Variants in ARHGEF4 observed in about 807,000 individuals in gnomAD.
ARHGEF4 encodes the protein Rho guanine nucleotide exchange factor 4, also known as APC-stimulated guanine nucleotide exchange factor 1.
Under a neutral mutation model 162.0 loss-of-function variants are expected in ARHGEF4, and 119 were observed. The observed-to-expected ratio is 0.73, with a 90% CI of 0.63 to 0.86. ARHGEF4 has a LOEUF of 0.86. Ranked by LOEUF, ARHGEF4 falls within the 40% of genes least tolerant of loss-of-function variation. The probability of loss-of-function intolerance (pLI) is 0.00; values close to 1 mark genes in which losing one functional copy is unlikely to be tolerated. For missense variants in ARHGEF4, 2,488 were observed against 2,456.0 expected, an observed-to-expected ratio of 1.01 and a Z score of -0.28; for synonymous variants, 1,014 against 979.9, an observed-to-expected ratio of 1.03 and a Z score of -0.65.
intron 6 of ARHGEF4, among the ~76,000 whole-genome samples, 167 bp downstream of exon 6, chr2:131,039,199 T>C (rs115613655): frequency 0.014 from 2,196 of 152,218 alleles, 55 homozygotes; most frequent in African/African-American, 0.05. Context: ...GAGCCACTAC[T>C]CCTGCTCCCA....
chr2:131,045,407 C>G lies in ARHGEF4; in HGVS notation c.5440C>G (p.Leu1814Val), dbSNP rs989274734. 1.2e-6 allele frequency: 2 copies of G among 1,613,518 alleles called. No homozygotes were observed. Among genetic ancestry groups the G allele is most frequent in the Non-Finnish European group, 1.7e-6 (2 of 1,179,994 alleles). ...ITELQRKQAM[L>V]NASKQQVTGK... is the part of the protein sequence containing the mutation. Reference sequence around the variant, plus strand: ...TGAACTGCAGAGGAAGCAGGCCATGCTGAATGCCAGCAAGCAGCAGGTCAC... The same window carrying G: ...TGAACTGCAGAGGAAGCAGGCCATGGTGAATGCCAGCAAGCAGCAGGTCAC... The change falls in exon 13 of 14, where the codon CTG (leucine) becomes GTG (valine). Residue 1814 changes from leucine to valine, a missense_variant. By Grantham distance (32) the Leu-to-Val change is conservative. Around this residue, in one of 6 missense-constraint regions of ARHGEF4, gnomAD observed 415 missense variants for 512.4 expected, o/e 0.81. Transcript: ENST00000409359.
chr2:131,022,800 CA>C (rs1292540459), intron 4 of ARHGEF4, among the ~76,000 whole-genome samples: 7 of 151,958 alleles, frequency 4.6e-5, no homozygotes, highest in African/African-American at 1.7e-4. Flanking sequence ...AAGCATGACT[CA>C]TAAAAGGAAA....
At chr2:131,026,850 G>T (rs140889605) in intron 4 of ARHGEF4, among the ~76,000 whole-genome samples, 2 of 152,082 alleles carry the variant, frequency 1.3e-5, no homozygotes, top group African/African-American at 4.8e-5. Context: ...ACACCTAGGC[G>T]TCTACACTCA....
chr2:130,994,789 A>T (rs1343554736), intron 4 of ARHGEF4, among the ~76,000 whole-genome samples: 1 of 152,150 alleles, frequency 6.6e-6, no homozygotes, highest in African/African-American at 2.4e-5. Context: ...TTTTCTTCTT[A>T]TCTGAAAATG....
intron 4 of ARHGEF4, among the ~76,000 whole-genome samples, chr2:130,990,043 C>G (rs538497364): frequency 7.2e-5 from 11 of 152,298 alleles, no homozygotes; most frequent in Non-Finnish European, 1.3e-4. Flanking sequence ...AAGAACTGGT[C>G]AGGAACTGTG....
At chr2:130,879,974 C>G (rs1368599537) in intron 1 of ARHGEF4, among the ~76,000 whole-genome samples, 1 of 152,104 alleles carries the variant, frequency 6.6e-6, no homozygotes, top group Non-Finnish European at 1.5e-5. Context: ...GTATATACCA[C>G]GTTTTCTCTC....
chr2:131,038,000 A>G (rs1690431727), intron 5 of ARHGEF4, among the ~76,000 whole-genome samples: 1 of 152,168 alleles, frequency 6.6e-6, no homozygotes, highest in Non-Finnish European at 1.5e-5. Flanking sequence ...TAGAGCTCTA[A>G]GAAGGGGCAT....
intron 4 of ARHGEF4, among the ~76,000 whole-genome samples, chr2:130,988,432 CTT>C (rs999265534): frequency 1.3e-5 from 2 of 152,206 alleles, no homozygotes; most frequent in African/African-American, 4.8e-5. Flanking sequence ...GTTTCAGAGA[CTT>C]TTAAAATTCA....
At chr2:130,997,422 T>A (rs888990558) in intron 4 of ARHGEF4, among the ~76,000 whole-genome samples, 1 of 152,220 alleles carries the variant, frequency 6.6e-6, no homozygotes, top group Non-Finnish European at 1.5e-5. Flanking sequence ...GACTTCTTTT[T>A]CTCCTATAAT....
At chr2:131,006,377 A>G (rs1479796250) in intron 4 of ARHGEF4, among the ~76,000 whole-genome samples, 1 of 152,206 alleles carries the variant, frequency 6.6e-6, no homozygotes, top group Non-Finnish European at 1.5e-5. Flanking sequence ...CTCTAAATGC[A>G]GGGTAATTTG....
chr2:130,998,307 C>T (rs72860139), intron 4 of ARHGEF4, among the ~76,000 whole-genome samples: 2,150 of 152,236 alleles, frequency 0.014, 32 homozygotes, highest in South Asian at 0.028. Flanking sequence ...AAACCCCTCA[C>T]CCTGTCACCA....
intron 4 of ARHGEF4, among the ~76,000 whole-genome samples, chr2:131,022,671 A>G (rs1270872865): frequency 6.9e-6 from 1 of 145,964 alleles, no homozygotes; most frequent in African/African-American, 2.5e-5. Context: ...AAAAAAAAAA[A>G]CAAAAACCCC....
At chr2:130,940,644 C>T (rs575447636) in intron 3 of ARHGEF4, among the ~76,000 whole-genome samples, 168 of 148,852 alleles carry the variant, frequency 1.1e-3, no homozygotes, top group African/African-American at 3.7e-3. Flanking sequence ...ATCGAGACCA[C>T]GGTGAAACCC....
intron 4 of ARHGEF4, among the ~76,000 whole-genome samples, chr2:130,995,888 C>CTTTTTTT (rs1184456550): frequency 7.3e-6 from 1 of 136,892 alleles, no homozygotes; most frequent in Non-Finnish European, 1.6e-5. Flanking sequence ...TATTATTCAC[C>CTTTTTTT]TTTTTTTTTT....
rs1225079946 is a variant in ARHGEF4 at position 131,040,249 on chromosome 2, G to A, written c.4483-12G>A. On this transcript the variant is annotated splice_polypyrimidine_tract_variant and intron_variant, in intron 7 of 13. Coordinates refer to ENST00000409359, the MANE Select transcript of ARHGEF4 (RefSeq NM_001367493.1). ...ACCCGGTCGGGGGAGGCCTAACCAC[G>A]TCCGCCCGCAGGGCTACGTCCGGCA... 1 of 1,611,614 alleles carries A rather than the reference G, an allele frequency of 6.2e-7. No individual in the cohort carries two copies. The highest frequency in any genetic ancestry group is 2.2e-5 in the East Asian group (1 of 44,860).
chr2:131,013,454 C>G (rs1688599517), intron 4 of ARHGEF4, among the ~76,000 whole-genome samples: 2 of 152,194 alleles, frequency 1.3e-5, no homozygotes, highest in African/African-American at 4.8e-5. Flanking sequence ...CAACCTAAAA[C>G]TAATATCCAC....
chr2:130,899,573 A>G (rs1037342968), intron 1 of ARHGEF4, among the ~76,000 whole-genome samples: 5 of 152,204 alleles, frequency 3.3e-5, no homozygotes, highest in African/African-American at 1.2e-4. Context: ...GGGACAAAGC[A>G]CACTGGAAGG....
chr2:130,919,383 T>C (rs1313968915), intron 2 of ARHGEF4, among the ~76,000 whole-genome samples: 1 of 152,202 alleles, frequency 6.6e-6, no homozygotes, highest in African/African-American at 2.4e-5. Flanking sequence ...CAATCAACAC[T>C]CAACAGCAGT....
rs185063805 is a variant in ARHGEF4, at chr2:131,002,366, A to G, written c.3986-25579A>G. Among the ~76,000 whole-genome samples the G allele has an allele frequency of 1.6e-3, 244 of 152,236 alleles. 2 individuals are homozygous for G. Among genetic ancestry groups the G allele is most frequent in the Non-Finnish European group, 2.5e-3 (171 of 68,012 alleles). ...GCCGAGGCAGGCAGATCACGAGGTC[A>G]GGAGATCGAGACCATCCTGGCTAAC... On this transcript the variant is annotated intron_variant, in intron 4 of 13. Transcript: ENST00000409359.
Sources: allele counts gnomAD v4.1 joint callset (sites outside exome capture counted in the v4.1 genomes callset), GRCh38; gene constraint gnomAD v4.1.1; regional missense constraint gnomAD v4.1.1; transcripts MANE v1.5; gene names NCBI Gene and HGNC (gene_info 2026-07-23, HGNC 2026-07-21).